Variants in RBFOX1 observed in about 807,000 individuals in gnomAD.
The protein encoded by RBFOX1 is RNA binding protein fox-1 homolog 1.
In RBFOX1, 8 loss-of-function variants were observed where a neutral mutation model predicts 57.7. The ratio of observed to expected loss-of-function variants is 0.14; its 90% CI spans 0.08 to 0.25. The LOEUF is 0.25. Ranked by LOEUF, RBFOX1 falls within the 10% of genes least tolerant of loss-of-function variation. The pLI is 1.00. For missense variants in RBFOX1, 611 were observed against 548.5 expected, an observed-to-expected ratio of 1.11 and a Z score of -1.14; for synonymous variants, 326 against 222.4, an observed-to-expected ratio of 1.47 and a Z score of -4.15.
chr16:5,867,798 G>A (rs772215226), intron 4 of RBFOX1, among the ~76,000 whole-genome samples: 49 of 151,922 alleles, frequency 3.2e-4, no homozygotes, highest in Non-Finnish European at 6.0e-4. Context: ...TGCAACCTCC[G>A]CCTCCCGGGT....
chr16:5,873,002 T>G (rs1233234060), intron 4 of RBFOX1, among the ~76,000 whole-genome samples: 1 of 151,680 alleles, frequency 6.6e-6, no homozygotes, highest in Non-Finnish European at 1.5e-5. Flanking sequence ...AATACAAAAA[T>G]TAGCTGGGTG....
At chr16:6,613,432 G>C (rs192339930) in intron 2 of RBFOX1, among the ~76,000 whole-genome samples, 1 of 152,082 alleles carries the variant, frequency 6.6e-6, no homozygotes, top group South Asian at 2.1e-4. Flanking sequence ...GTGGTGTTTA[G>C]TACGTGAAAC....
At chr16:6,947,875 C>G (rs1439985813) in intron 3 of RBFOX1, among the ~76,000 whole-genome samples, 1 of 152,148 alleles carries the variant, frequency 6.6e-6, no homozygotes, top group East Asian at 1.9e-4. Context: ...CTCATGGGTT[C>G]AAGCGTTTCT....
intron 9 of RBFOX1, among the ~76,000 whole-genome samples, chr16:7,600,916 A>T (rs977085890): frequency 1.3e-5 from 2 of 152,220 alleles, no homozygotes; most frequent in Admixed American, 6.5e-5. Flanking sequence ...ACATTCTATT[A>T]AAAAGTTCCA....
At chr16:6,934,471 A>C (rs1184574448) in intron 3 of RBFOX1, among the ~76,000 whole-genome samples, 1 of 152,144 alleles carries the variant, frequency 6.6e-6, no homozygotes, top group Non-Finnish European at 1.5e-5. Flanking sequence ...CATGGAATCA[A>C]CCTAACTGTC....
intron 3 of RBFOX1, among the ~76,000 whole-genome samples, chr16:6,901,259 G>T (rs116751636): frequency 1.3e-5 from 2 of 152,148 alleles, no homozygotes; most frequent in Non-Finnish European, 2.9e-5. Flanking sequence ...GGACAGAATT[G>T]CTTGTTCATC....
At chr16:7,238,735 C>T (rs1273292599) in intron 4 of RBFOX1, among the ~76,000 whole-genome samples, 1 of 152,158 alleles carries the variant, frequency 6.6e-6, no homozygotes, top group Non-Finnish European at 1.5e-5. Flanking sequence ...ATTATTTCAT[C>T]ACCCAGGTGT....
At chr16:6,914,530 A>C (rs1007067406) in intron 3 of RBFOX1, among the ~76,000 whole-genome samples, 3 of 151,818 alleles carry the variant, frequency 2.0e-5, no homozygotes. Flanking sequence ...ATCTCTCTGG[A>C]CATCAGTTTT....
rs1023510407 is a variant in RBFOX1, at chr16:7,069,664, A to T, written c.27+17566A>T. 2.0e-5 allele frequency among the ~76,000 whole-genome samples: 3 copies of T among 152,122 alleles called. No individual in the cohort carries two copies. The South Asian group carries it at 6.2e-4, about 31-fold the overall frequency. The stretch of plus-strand genomic sequence containing the variant: ...AGCACTCAACTGAGGATAAATGGGG[A>T]CTTAGTGGATCGTGCCCCAGCTTCC... On this transcript the variant is annotated intron_variant, in intron 4 of 15. Transcript: ENST00000550418.
At chr16:6,810,047 A>ATTT (rs2088054578) in intron 3 of RBFOX1, among the ~76,000 whole-genome samples, 1 of 141,198 alleles carries the variant, frequency 7.1e-6, no homozygotes. Context: ...TTTTTCTGTT[A>ATTT]ATAAGTAGAC....
At position 5,776,184 on chromosome 16, in the gene RBFOX1, C is replaced by T. The variant is rs113254857; in HGVS notation, c.319-91119C>T. 2.2e-3 allele frequency among the ~76,000 whole-genome samples: 332 copies of T among 152,286 alleles called. 1 individual carries two copies. Among genetic ancestry groups the T allele is most frequent in the Non-Finnish European group, 3.7e-3 (249 of 68,028 alleles). The stretch of plus-strand genomic sequence containing the variant: ...ATGGTTTCGTTTCACTGTGTGAAGG[C>T]TGTTTGGGTTGGTGCTTAAGTTTTA... On this transcript the variant is annotated intron_variant, in intron 3 of 19. Transcript: ENST00000641259.
At chr16:5,832,309 C>G (rs1232877471) in intron 3 of RBFOX1, among the ~76,000 whole-genome samples, 1 of 152,144 alleles carries the variant, frequency 6.6e-6, no homozygotes, top group Non-Finnish European at 1.5e-5. Flanking sequence ...ACCTTACTGG[C>G]TAATGGACTA....
intron 4 of RBFOX1, among the ~76,000 whole-genome samples, chr16:7,237,684 C>G (rs1156422459): frequency 6.6e-6 from 1 of 152,166 alleles, no homozygotes; most frequent in African/African-American, 2.4e-5. Context: ...GTGGTGTATA[C>G]TGGAATATTA....
chr16:6,746,227 C>A (rs994648200), intron 3 of RBFOX1, among the ~76,000 whole-genome samples: 1 of 151,972 alleles, frequency 6.6e-6, no homozygotes, highest in African/African-American at 2.4e-5. Context: ...CAATCAAACC[C>A]CAGCAGGCCT....
At chr16:6,988,347 C>T (rs377656868) in intron 3 of RBFOX1, among the ~76,000 whole-genome samples, 7 of 152,122 alleles carry the variant, frequency 4.6e-5, no homozygotes, top group African/African-American at 1.7e-4. Flanking sequence ...ATCTTACTGT[C>T]CACTGTAGTA....
intron 1 of RBFOX1, among the ~76,000 whole-genome samples, chr16:5,442,626 G>A (rs2068118102): frequency 6.6e-6 from 1 of 152,158 alleles, no homozygotes; most frequent in Admixed American, 6.5e-5. Flanking sequence ...AAAACCAATT[G>A]GGCTTGGGAA....
chr16:5,963,908 C>T (rs778336572), intron 4 of RBFOX1, among the ~76,000 whole-genome samples: 9 of 152,066 alleles, frequency 5.9e-5, no homozygotes, highest in African/African-American at 1.4e-4. Flanking sequence ...AGTGGTTTTA[C>T]GTGAGAGCAG....
intron 3 of RBFOX1, among the ~76,000 whole-genome samples, chr16:7,039,143 G>T (rs549522375): frequency 6.6e-6 from 1 of 152,176 alleles, no homozygotes; most frequent in African/African-American, 2.4e-5. Context: ...GAGATTTTAG[G>T]ATATGCTCCA....
At chr16:7,220,335 G>A (rs1345010607) in intron 4 of RBFOX1, among the ~76,000 whole-genome samples, 1 of 152,090 alleles carries the variant, frequency 6.6e-6, no homozygotes, top group African/African-American at 2.4e-5. Flanking sequence ...TTCTAAACTT[G>A]GTGTCATTCA....
Sources: gnomAD v4.1 joint callset for allele counts (sites outside exome capture counted in the v4.1 genomes callset) on GRCh38, gnomAD v4.1.1 for gene constraint, MANE v1.5 for transcripts, NCBI Gene and HGNC (gene_info 2026-07-23, HGNC 2026-07-21) for gene names.